Variants in FSTL4 observed in about 807,000 individuals in gnomAD.
FSTL4 encodes the protein follistatin-related protein 4.
A neutral mutation model predicts 78.2 loss-of-function variants in FSTL4; 28 were observed. That is an observed-to-expected ratio of 0.36 (90% confidence interval 0.27 to 0.49). The LOEUF is 0.49. Among genes scored for constraint, FSTL4 ranks in the 20% least tolerant of loss-of-function variants. FSTL4 has a pLI of 0.98. For synonymous variants in FSTL4, 422 were observed against 440.5 expected (o/e 0.96, Z 0.53); for missense variants, 922 against 1,084.9 (o/e 0.85, Z 2.11).
chr5:133,240,039 C>T (rs1347138744), intron 7 of FSTL4, among the ~76,000 whole-genome samples: 3 of 152,214 alleles, frequency 2.0e-5, no homozygotes, highest in East Asian at 1.9e-4. Context: ...TTCTTTTGCT[C>T]TTTGCAATAA....
chr5:133,246,666 G>A (rs1032266136), intron 7 of FSTL4: 1 of 152,160 alleles, frequency 6.6e-6, no homozygotes, highest in Admixed American at 6.5e-5. Flanking sequence ...AGCAGCGGGG[G>A]GCATGCCAAG....
At chr5:133,288,116 C>A (rs972561949) in intron 6 of FSTL4, among the ~76,000 whole-genome samples, 1 of 152,204 alleles carries the variant, frequency 6.6e-6, no homozygotes, top group South Asian at 2.1e-4. Context: ...GTGCCTGGCA[C>A]AAAGTAATGC....
the FSTL4 span, among the ~76,000 whole-genome samples, chr5:133,724,314 A>T: frequency 2.0e-5 from 3 of 152,138 alleles, no homozygotes; most frequent in Admixed American, 2.0e-4. Context: ...TGGTTCCAAG[A>T]TGATCCTAAC....
chr5:133,561,090 AAATAATAATAATAATAAT>A (rs369652665), intron 3 of FSTL4, among the ~76,000 whole-genome samples: 60 of 131,236 alleles, frequency 4.6e-4, no homozygotes, highest in African/African-American at 1.1e-3. Context: ...CTCGGACTCA[AAATAATAATAATAATAAT>A]AATAATAATA....
At chr5:133,507,856 T>A (rs959708884) in intron 3 of FSTL4, among the ~76,000 whole-genome samples, 5 of 148,982 alleles carry the variant, frequency 3.4e-5, no homozygotes, top group African/African-American at 1.2e-4. Context: ...TAAAATAAAA[T>A]AAAAAATAAC....
At chr5:133,211,735 T>C (rs1015811138) in intron 13 of FSTL4, among the ~76,000 whole-genome samples, 10 of 152,216 alleles carry the variant, frequency 6.6e-5, no homozygotes, top group Non-Finnish European at 1.5e-4. Flanking sequence ...CCCGCCTCCC[T>C]GGCTTCTCCT....
the FSTL4 span, among the ~76,000 whole-genome samples, chr5:133,841,949 T>C: frequency 6.6e-6 from 1 of 152,222 alleles, no homozygotes; most frequent in East Asian, 1.9e-4. Flanking sequence ...GTCTAGGGCT[T>C]ACCTGTCCAC....
chr5:133,387,039 G>GT lies in FSTL4; in HGVS notation c.409+13698dup, dbSNP rs368816083. ...TTTTTAGGTACCTGCTGTCTGATCAGTTGCAAGTGCCAAGTCTGGTGGAGG... is the reference window on the plus strand; with the variant it reads ...TTTTTAGGTACCTGCTGTCTGATCAGTTTGCAAGTGCCAAGTCTGGTGGAGG... On this transcript the variant is annotated intron_variant, in intron 4 of 15. Coordinates refer to ENST00000265342, the MANE Select transcript of FSTL4 (RefSeq NM_015082.2). Among the ~76,000 whole-genome samples the GT allele has an allele frequency of 1.8e-3, 269 of 152,296 alleles. 1 individual carries two copies. Among genetic ancestry groups the GT allele is most frequent in the Middle Eastern group, 0.01 (3 of 294 alleles).
the FSTL4 span, among the ~76,000 whole-genome samples, chr5:133,835,397 A>G: frequency 6.6e-6 from 1 of 152,230 alleles, no homozygotes; most frequent in African/African-American, 2.4e-5. Context: ...GGCAGTAAGA[A>G]GAACATGGTT....
chr5:133,344,680 T>C (rs1478586574), intron 4 of FSTL4, among the ~76,000 whole-genome samples: 1 of 152,224 alleles, frequency 6.6e-6, no homozygotes, highest in Non-Finnish European at 1.5e-5. Flanking sequence ...GGATAGCACA[T>C]ACGTATTCTT....
chr5:133,635,034 T>A, the FSTL4 span, among the ~76,000 whole-genome samples: 28 of 152,022 alleles, frequency 1.8e-4, no homozygotes, highest in Non-Finnish European at 3.2e-4. Flanking sequence ...AAATAGTTCC[T>A]CTACTTGGCA....
At chr5:133,480,017 C>G (rs1220584214) in intron 3 of FSTL4, among the ~76,000 whole-genome samples, 2 of 152,202 alleles carry the variant, frequency 1.3e-5, no homozygotes, top group Non-Finnish European at 2.9e-5. Context: ...GACGGGGACA[C>G]TCTACCCTCC....
At chr5:133,822,802 CCAAAAAA>C in the FSTL4 span, among the ~76,000 whole-genome samples, 1 of 152,002 alleles carries the variant, frequency 6.6e-6, no homozygotes, top group Non-Finnish European at 1.5e-5. Context: ...AAGCCCAAAA[CCAAAAAA>C]CAAAGAGTAG....
At chr5:133,638,664 C>T in the FSTL4 span, among the ~76,000 whole-genome samples, 1 of 152,160 alleles carries the variant, frequency 6.6e-6, no homozygotes, top group Non-Finnish European at 1.5e-5. Flanking sequence ...TTGCCTTTCC[C>T]TGCTTTTTCT....
intron 3 of FSTL4, among the ~76,000 whole-genome samples, chr5:133,411,913 C>G (rs1756483966): frequency 6.6e-6 from 1 of 151,698 alleles, no homozygotes; most frequent in African/African-American, 2.4e-5. Context: ...TCAACAGTAG[C>G]AATAAATAAT....
At chr5:133,308,503 T>G (rs1028795706) in intron 6 of FSTL4, among the ~76,000 whole-genome samples, 1 of 152,180 alleles carries the variant, frequency 6.6e-6, no homozygotes, top group Non-Finnish European at 1.5e-5. Context: ...ATGCTTGCGG[T>G]TGCTTATTTT....
At chr5:133,229,162 AC>A (rs1286296037) in intron 8 of FSTL4, among the ~76,000 whole-genome samples, 2 of 152,246 alleles carry the variant, frequency 1.3e-5, no homozygotes, top group Non-Finnish European at 2.9e-5. Context: ...GGATAGAAAG[AC>A]TTAATATCGT....
intron 4 of FSTL4, among the ~76,000 whole-genome samples, chr5:133,346,843 G>A (rs1259873436): frequency 2.0e-5 from 3 of 152,096 alleles, no homozygotes; most frequent in Non-Finnish European, 4.4e-5. Context: ...AATCTAAGTT[G>A]TGGGATACTT....
At chr5:133,721,743 T>G in the FSTL4 span, among the ~76,000 whole-genome samples, 2 of 152,206 alleles carry the variant, frequency 1.3e-5, no homozygotes, top group Non-Finnish European at 2.9e-5. Flanking sequence ...AATTTGATTT[T>G]GTGTCTTGGA....
Sources: allele counts gnomAD v4.1 joint callset (sites outside exome capture counted in the v4.1 genomes callset), GRCh38; gene constraint gnomAD v4.1.1; transcripts MANE v1.5; gene names NCBI Gene and HGNC (gene_info 2026-07-23, HGNC 2026-07-21).